PDE3A: variants seen among roughly 807,000 people sequenced by gnomAD.
PDE3A encodes cGMP-inhibited 3',5'-cyclic phosphodiesterase 3A.
In PDE3A, 43 loss-of-function variants were observed where a neutral mutation model predicts 98.3. That is an observed-to-expected ratio of 0.44 (90% CI 0.34 to 0.56). The LOEUF (loss-of-function observed/expected upper bound fraction) is 0.56, where lower values mean the gene tolerates loss of function less well. Ranked by LOEUF, PDE3A falls within the 20% of genes least tolerant of loss-of-function variation. The pLI is 0.01. For missense variants in PDE3A, 1,427 were observed against 1,440.7 expected, an observed-to-expected ratio of 0.99 and a Z score of 0.15; for synonymous variants, 663 against 567.9, an observed-to-expected ratio of 1.17 and a Z score of -2.38.
intron 2 of PDE3A, among the ~76,000 whole-genome samples, chr12:20,603,419 T>C (rs1318268657): frequency 6.6e-6 from 1 of 152,236 alleles, no homozygotes; most frequent in Non-Finnish European, 1.5e-5. Flanking sequence ...AGGACTTCTG[T>C]ACAATCACTT....
At chr12:20,517,481 G>A (rs146699068) in intron 1 of PDE3A, among the ~76,000 whole-genome samples, 229 of 152,208 alleles carry the variant, frequency 1.5e-3, no homozygotes, top group Non-Finnish European at 2.6e-3. Context: ...TTTTTTCTCC[G>A]TTGTATAATG....
intron 1 of PDE3A, among the ~76,000 whole-genome samples, chr12:20,538,467 A>G (rs894797422): frequency 1.3e-5 from 2 of 152,056 alleles, no homozygotes; most frequent in Non-Finnish European, 2.9e-5. Flanking sequence ...ATTAACCAGG[A>G]CTGTGTTCCA....
chr12:20,482,564 TA>T (rs760568319), intron 1 of PDE3A, among the ~76,000 whole-genome samples: 1 of 152,212 alleles, frequency 6.6e-6, no homozygotes, highest in African/African-American at 2.4e-5. Flanking sequence ...CACATTAAAA[TA>T]AAAGTTTTTT....
chr12:20,475,942 G>A (rs920733426), intron 1 of PDE3A, among the ~76,000 whole-genome samples: 1 of 152,146 alleles, frequency 6.6e-6, no homozygotes, highest in Non-Finnish European at 1.5e-5. Context: ...GAAAGTGACT[G>A]GGGGCGAGAA....
chr12:20,646,543 A>G lies in PDE3A; in HGVS notation c.2305A>G (p.Thr769Ala), dbSNP rs748249441. 1.2e-6 allele frequency: 2 copies of G among 1,611,290 alleles called. No individual in the cohort carries two copies. Among genetic ancestry groups the G allele is most frequent in the South Asian group, 2.2e-5 (2 of 91,036 alleles). The change falls in exon 11 of 16, where the codon ACA (threonine) becomes GCA (alanine). Residue 769 changes from threonine to alanine, a missense_variant. Physicochemically the swap from Thr to Ala is moderately conservative, Grantham distance 58. This residue lies in a region of PDE3A where 273 missense variants were observed against 420.3 expected (regional missense o/e 0.65). Coordinates refer to ENST00000359062, the MANE Select transcript of PDE3A (RefSeq NM_000921.5). Reference protein sequence around the residue: ...DVLHAVWYLTTQPIPGLSTVI... With the variant: ...DVLHAVWYLTAQPIPGLSTVI... ...TTTACATGCTGTTTGGTATCTTACTACACAGCCTATTCCAGGCCTCTCAAC... is the reference window on the plus strand; with the variant it reads ...TTTACATGCTGTTTGGTATCTTACTGCACAGCCTATTCCAGGCCTCTCAAC...
chr12:20,622,761 G>A (rs1203814903), intron 5 of PDE3A, among the ~76,000 whole-genome samples: 3 of 151,914 alleles, frequency 2.0e-5, no homozygotes, highest in African/African-American at 7.3e-5. Context: ...CTCTTAAAGG[G>A]GTGCTAAAGT....
chr12:20,459,405 T>TA (rs1410309009), intron 1 of PDE3A, among the ~76,000 whole-genome samples: 6 of 152,146 alleles, frequency 3.9e-5, no homozygotes, highest in African/African-American at 1.4e-4. Context: ...TGGAAAGCCT[T>TA]AAAGGCAGAA....
At position 20,399,201 on chromosome 12, in the gene PDE3A, TTTTG is replaced by T. The variant is rs568106469; in HGVS notation, c.960+28961_960+28964del. ...TATTCCATTATATACGTATGCCATA[TTTTG>T]TTTATCCATTTATTATTGATGGATA... On this transcript the variant is annotated intron_variant, in intron 1 of 15. Coordinates refer to ENST00000359062, the MANE Select transcript of PDE3A (RefSeq NM_000921.5). 7.0e-4 allele frequency among the ~76,000 whole-genome samples: 107 copies of T among 152,356 alleles called. 2 individuals carry two copies. The highest frequency in any genetic ancestry group is 2.5e-3 in the African/African-American group (103 of 41,590).
chr12:20,391,598 G>A (rs891963482), intron 1 of PDE3A, among the ~76,000 whole-genome samples: 7 of 148,666 alleles, frequency 4.7e-5, no homozygotes, highest in South Asian at 2.1e-4. Context: ...TTTTTTTTCC[G>A]TTTATGTATG....
chr12:20,374,372 G>A (rs377361006), intron 1 of PDE3A, among the ~76,000 whole-genome samples: 196 of 152,122 alleles, frequency 1.3e-3, no homozygotes, highest in African/African-American at 4.5e-3. Context: ...GTATTGAGTC[G>A]AAAGTGTAAA....
intron 1 of PDE3A, among the ~76,000 whole-genome samples, chr12:20,483,928 T>TC (rs1945676357): frequency 6.6e-6 from 1 of 152,228 alleles, no homozygotes; most frequent in South Asian, 2.1e-4. Context: ...GTAAGACTTG[T>TC]CTATAGGGCT....
intron 2 of PDE3A, among the ~76,000 whole-genome samples, chr12:20,582,779 C>T (rs1329543108): frequency 1.3e-5 from 2 of 151,846 alleles, no homozygotes; most frequent in Admixed American, 1.3e-4. Flanking sequence ...CTTGATTGCA[C>T]TCAAAAACAA....
chr12:20,464,881 G>T (rs191010494), intron 1 of PDE3A, among the ~76,000 whole-genome samples: 69 of 152,252 alleles, frequency 4.5e-4, no homozygotes, highest in Admixed American at 4.4e-3. Flanking sequence ...GAGAAAAACA[G>T]ATATTTTAGG....
intron 2 of PDE3A, among the ~76,000 whole-genome samples, chr12:20,581,029 T>C (rs1295775031): frequency 6.6e-6 from 1 of 152,186 alleles, no homozygotes; most frequent in Non-Finnish European, 1.5e-5. Flanking sequence ...TCTAGGTTTG[T>C]TTAATTACTG....
At chr12:20,481,959 T>G (rs1945637863) in intron 1 of PDE3A, among the ~76,000 whole-genome samples, 1 of 151,714 alleles carries the variant, frequency 6.6e-6, no homozygotes, top group South Asian at 2.1e-4. Flanking sequence ...AGAGACGGGA[T>G]TTCACCGTGT....
chr12:20,675,564 G>A (rs1515776), intron 15 of PDE3A, among the ~76,000 whole-genome samples: 104,944 of 152,056 alleles, frequency 0.69, 36,429 homozygotes, highest in East Asian at 0.79. Flanking sequence ...ATCTATTAAT[G>A]TTTGCTTTGC....
intron 2 of PDE3A, among the ~76,000 whole-genome samples, chr12:20,591,953 T>C (rs1185629672): frequency 6.6e-6 from 1 of 152,200 alleles, no homozygotes; most frequent in Non-Finnish European, 1.5e-5. Context: ...TGCACTTCAT[T>C]ATGATAAGCA....
At chr12:20,621,498 G>A (rs1351037237) in intron 5 of PDE3A, 87 bp downstream of exon 5, 1 of 722,566 alleles carries the variant, frequency 1.4e-6, no homozygotes, top group Non-Finnish European at 2.5e-6. Flanking sequence ...TATTCTGAGG[G>A]TGCCCTATAT....
chr12:20,372,895 AT>A (rs955957663), intron 1 of PDE3A, among the ~76,000 whole-genome samples: 1 of 152,054 alleles, frequency 6.6e-6, no homozygotes, highest in Non-Finnish European at 1.5e-5. Flanking sequence ...GAATTTCATC[AT>A]TTTCTTCTCT....
Sources: gnomAD v4.1 joint callset for allele counts (sites outside exome capture counted in the v4.1 genomes callset) on GRCh38, gnomAD v4.1.1 for gene constraint, gnomAD v4.1.1 regional missense constraint, MANE v1.5 for transcripts, NCBI Gene and HGNC (gene_info 2026-07-23, HGNC 2026-07-21) for gene names.